PZP: variants seen among roughly 807,000 people sequenced by gnomAD.
PZP encodes the protein PZP alpha-2-macroglobulin like.
In PZP, 150 loss-of-function variants were observed where a neutral mutation model predicts 179.8. The ratio of observed to expected loss-of-function variants is 0.83; its 90% confidence interval spans 0.73 to 0.96. PZP has a LOEUF of 0.96. Among genes scored for constraint, PZP ranks in the 40% least tolerant of loss-of-function variants. PZP has a pLI of 0.00. For synonymous variants in PZP, 624 were observed against 652.3 expected (o/e 0.96, Z 0.66); for missense variants, 1,689 against 1,764.0 (o/e 0.96, Z 0.76).
In PZP at chr12:9,201,329, C is replaced by A; in HGVS notation, c.499G>T (p.Glu167Ter). ...RNELIPLIYL[E>*]NPRRNRIAQW... ...AAGATACTTTTTCTGATACTTACCT[C>A]AAGGTATATCAGTGGAATCTATATG... Residue 167 changes from glutamate to a stop codon, truncating the protein, a stop_gained and splice_region_variant, in exon 5 of 36, where the codon GAG becomes TAG. Coordinates refer to ENST00000261336, the MANE Select transcript of PZP (RefSeq NM_002864.3). LOFTEE classifies it high-confidence loss of function. 6.5e-7 allele frequency: 1 copy of A among 1,549,502 alleles called. No individual in the cohort carries two copies. The highest frequency in any genetic ancestry group is 2.2e-5 in the East Asian group (1 of 44,500).
intron 15 of PZP, among the ~76,000 whole-genome samples, chr12:9,179,685 C>T (rs1942631566): frequency 6.6e-6 from 1 of 152,200 alleles, no homozygotes; most frequent in Non-Finnish European, 1.5e-5. Flanking sequence ...TTACCTACTC[C>T]AGTGACCAAA....
At chr12:9,150,264 GT>G (rs1355494618) in intron 34 of PZP, among the ~76,000 whole-genome samples, 2 of 152,066 alleles carry the variant, frequency 1.3e-5, no homozygotes, top group East Asian at 3.8e-4. Flanking sequence ...TGTTCAGTAA[GT>G]TTTTGTTTTG....
At chr12:9,136,473 T>A in the PZP span, among the ~76,000 whole-genome samples, 1 of 152,198 alleles carries the variant, frequency 6.6e-6, no homozygotes, top group Non-Finnish European at 1.5e-5. Flanking sequence ...TGTAATAAAT[T>A]GTTTCTTATC....
chr12:9,158,579 A>G lies in PZP; in HGVS notation c.3138-3T>C, dbSNP rs1332534328. 1.9e-6 allele frequency: 3 copies of G among 1,613,908 alleles called. No homozygotes were observed. The South Asian group carries it at 3.3e-5, about 18-fold the overall frequency. ...TCTTCAGTACAAAAGCTGTGAGCCT[A>G]GGGGGAGGAAAAATGCAGTGCTGAG... On this transcript the variant is annotated splice_polypyrimidine_tract_variant and splice_region_variant and intron_variant, in intron 25 of 35. Coordinates refer to ENST00000261336, the MANE Select transcript of PZP (RefSeq NM_002864.3).
intron 19 of PZP, 64 bp downstream of exon 19, chr12:9,165,075 A>G: frequency 6.5e-7 from 1 of 1,527,118 alleles, no homozygotes; most frequent in South Asian, 1.1e-5. Flanking sequence ...CAGAATCAGT[A>G]GCTGACTGAT....
intron 17 of PZP, among the ~76,000 whole-genome samples, chr12:9,166,628 A>T (rs1331257146): frequency 2.0e-5 from 3 of 152,240 alleles, no homozygotes; most frequent in Non-Finnish European, 2.9e-5. Context: ...GAATTTAATG[A>T]TTTACATTAA....
Position 9,202,510 on chromosome 12 carries a change from A to T in PZP, c.427+15T>A. 1 of 1,613,802 alleles carries T rather than the reference A, an allele frequency of 6.2e-7. No homozygotes were observed. Among genetic ancestry groups the T allele is most frequent in the East Asian group, 2.2e-5 (1 of 44,872 alleles). On this transcript the variant is annotated intron_variant, in intron 3 of 35. Coordinates refer to ENST00000261336, the MANE Select transcript of PZP (RefSeq NM_002864.3). Reference sequence around the variant, plus strand: ...TTCTCAGTGTTGCCCCAAACAGTGGAATTTCCCTACTTACCTGTCTGTCCT... The same window carrying T: ...TTCTCAGTGTTGCCCCAAACAGTGGTATTTCCCTACTTACCTGTCTGTCCT...
chr12:9,185,678 G>T (rs991832881), intron 13 of PZP, among the ~76,000 whole-genome samples: 1 of 151,708 alleles, frequency 6.6e-6, no homozygotes, highest in Non-Finnish European at 1.5e-5. Context: ...AAATGTTAAA[G>T]GTAGCTAGAG....
chr12:9,172,877 G>A (rs910241087), intron 15 of PZP, among the ~76,000 whole-genome samples: 6 of 152,114 alleles, frequency 3.9e-5, no homozygotes, highest in Non-Finnish European at 7.4e-5. Context: ...CAATAATAGC[G>A]AGAGACTTTA....
At chr12:9,173,331 G>A (rs1206447159) in intron 15 of PZP, among the ~76,000 whole-genome samples, 1 of 152,180 alleles carries the variant, frequency 6.6e-6, no homozygotes. Context: ...ACAGTGTTAA[G>A]TGGGAAATTT....
At chr12:9,192,168 G>T (rs1338052047) in intron 13 of PZP, 25 bp downstream of exon 13, 3 of 1,599,378 alleles carry the variant, frequency 1.9e-6, no homozygotes, top group East Asian at 4.5e-5. Context: ...GGGGAGCAAG[G>T]AGAGATGAAT....
In PZP at chr12:9,148,991, G is replaced by A. The variant is rs778518254; in HGVS notation, c.4430C>T (p.Thr1477Ile). The A allele has an allele frequency of 1.2e-6, 2 of 1,611,358 alleles. No individual in the cohort carries two copies. The highest frequency in any genetic ancestry group is 2.2e-5 in the East Asian group (1 of 44,866). Residue 1477 changes from threonine (T) to isoleucine (I), a missense_variant, in exon 36 of 36, where the codon ACA becomes ATA. By Grantham distance (89) the Thr-to-Ile change is moderately conservative. Coordinates refer to ENST00000261336, the MANE Select transcript of PZP (RefSeq NM_002864.3). ...AEYIAPCSTD[T>I]EHGNV is the part of the protein sequence containing the mutation. The stretch of plus-strand genomic sequence containing the variant: ...TGGTCCTCAAACATTTCCATGCTCT[G>A]TATCTATGGAGAAAAGAAAAACGTA...
At chr12:9,180,894 C>A in intron 15 of PZP, 89 bp downstream of exon 15, 1 of 1,427,672 alleles carries the variant, frequency 7.0e-7, no homozygotes. Flanking sequence ...TTTTCGCAAC[C>A]TACTCATCTG....
At chr12:9,199,702 T>G (rs940639741) in intron 7 of PZP, among the ~76,000 whole-genome samples, 2 of 152,152 alleles carry the variant, frequency 1.3e-5, no homozygotes, top group African/African-American at 4.8e-5. Flanking sequence ...ATTTATAGAT[T>G]CCTATGGCTT....
In PZP at chr12:9,151,653, A is replaced by G; in HGVS notation, c.4232T>C (p.Val1411Ala). Reference sequence around the variant, plus strand: ...GTTGTTGCTCACTTCTGTCCGGCTCACAGAGCTAGATCTTTCAAGCTGGAG... The same window carrying G: ...GTTGTTGCTCACTTCTGTCCGGCTCGCAGAGCTAGATCTTTCAAGCTGGAG... ...TVKMLERSSS[V>A]SRTEVSNNHV... is the part of the protein sequence containing the mutation. Residue 1411 changes from valine (V) to alanine (A), a missense_variant, in exon 33 of 36, where the codon GTG becomes GCG. Physicochemically the swap from Val to Ala is moderately conservative, Grantham distance 64. Transcript: ENST00000261336. 1 of 1,613,878 alleles carries G rather than the reference A, an allele frequency of 6.2e-7. No homozygotes were observed. Among genetic ancestry groups the G allele is most frequent in the Non-Finnish European group, 8.5e-7 (1 of 1,179,844 alleles).
intron 33 of PZP, 35 bp from the exon 34 acceptor site, chr12:9,150,781 A>G: frequency 7.3e-7 from 1 of 1,362,468 alleles, no homozygotes; most frequent in Non-Finnish European, 1.0e-6. Flanking sequence ...AAGAACCTAG[A>G]AAACCTCCTT....
chr12:9,143,556 C>G, the PZP span, among the ~76,000 whole-genome samples: 1 of 152,014 alleles, frequency 6.6e-6, no homozygotes, highest in African/African-American at 2.4e-5. Flanking sequence ...ATGAGGGGTG[C>G]AAGCTTGACA....
At chr12:9,186,958 C>A (rs1406776490) in intron 13 of PZP, among the ~76,000 whole-genome samples, 1 of 151,030 alleles carries the variant, frequency 6.6e-6, no homozygotes, top group African/African-American at 2.4e-5. Context: ...ATGTAACAAA[C>A]CTGCACGTTC....
chr12:9,141,311 C>T, the PZP span, among the ~76,000 whole-genome samples: 1 of 152,124 alleles, frequency 6.6e-6, no homozygotes, highest in African/African-American at 2.4e-5. Flanking sequence ...TGATTTTATA[C>T]CAAATAAGCT....
Sources: allele counts gnomAD v4.1 joint callset (sites outside exome capture counted in the v4.1 genomes callset), GRCh38; gene constraint gnomAD v4.1.1; transcripts MANE v1.5; gene names NCBI Gene and HGNC (gene_info 2026-07-23, HGNC 2026-07-21).